Variants in ATXN8OS observed in about 807,000 individuals in gnomAD.
ATXN8OS encodes the protein ATXN8 opposite strand lncRNA.
chr13:70,108,056 G>A (rs879880884), intron 1 of ATXN8OS: 2 of 424,520 alleles, frequency 4.7e-6, no homozygotes, highest in African/African-American at 2.0e-5. Flanking sequence ...CGCGAGGGAG[G>A]GAGGTCTGAG....
At chr13:70,131,540 C>T (rs1888533438) in intron 3 of ATXN8OS, 1 of 398,126 alleles carries the variant, frequency 2.5e-6, no homozygotes, top group Admixed American at 4.4e-5. Context: ...TATTACTTTC[C>T]CCTCAATGCC....
intron 4 of ATXN8OS, among the ~76,000 whole-genome samples, chr13:70,158,829 C>A (rs1159418646): frequency 1.3e-5 from 2 of 152,090 alleles, no homozygotes; most frequent in Non-Finnish European, 2.9e-5. Context: ...TAAAACCAGC[C>A]TTTACTATGG....
intron 4 of ATXN8OS, among the ~76,000 whole-genome samples, chr13:70,151,291 C>T (rs959900086): frequency 1.3e-5 from 2 of 152,064 alleles, no homozygotes; most frequent in South Asian, 4.1e-4. Flanking sequence ...TTGCACAATT[C>T]TTCATTTCTT....
chr13:70,117,194 C>G (rs1888292076), intron 2 of ATXN8OS, among the ~76,000 whole-genome samples: 1 of 151,982 alleles, frequency 6.6e-6, no homozygotes, highest in Non-Finnish European at 1.5e-5. Flanking sequence ...TTTGGATGCT[C>G]TCATCTCTCC....
At chr13:70,114,499 C>T (rs1051056065) in intron 1 of ATXN8OS, among the ~76,000 whole-genome samples, 4 of 151,906 alleles carry the variant, frequency 2.6e-5, no homozygotes, top group African/African-American at 7.3e-5. Context: ...ATGTCTAGGA[C>T]AAAATTACAA....
At chr13:70,130,318 TTTAAAA>T (rs1365101672) in intron 3 of ATXN8OS, among the ~76,000 whole-genome samples, 2 of 152,190 alleles carry the variant, frequency 1.3e-5, no homozygotes, top group African/African-American at 4.8e-5. Context: ...CAACCATGAC[TTTAAAA>T]TTAAGGATTA....
chr13:70,117,757 C>T (rs1034553750), intron 2 of ATXN8OS, among the ~76,000 whole-genome samples: 1 of 151,904 alleles, frequency 6.6e-6, no homozygotes, highest in Non-Finnish European at 1.5e-5. Context: ...TAAAATAAAA[C>T]CTGTTAAACA....
chr13:70,107,796 G>T (rs1294538661), exon 1 of ATXN8OS: 9 of 910,678 alleles, frequency 9.9e-6, no homozygotes, highest in African/African-American at 1.7e-5. Flanking sequence ...GGAGGAAGAG[G>T]CGGGATGCGC....
chr13:70,131,765 C>T (rs1485287179), intron 3 of ATXN8OS, among the ~76,000 whole-genome samples: 2 of 152,104 alleles, frequency 1.3e-5, no homozygotes, highest in African/African-American at 4.8e-5. Flanking sequence ...CAACTGCATC[C>T]TTGTTTTTAT....
intron 2 of ATXN8OS, among the ~76,000 whole-genome samples, chr13:70,116,109 G>A (rs992739730): frequency 4.6e-5 from 7 of 151,222 alleles, no homozygotes; most frequent in African/African-American, 7.3e-5. Flanking sequence ...TTTTTATTGA[G>A]CACTTACTCT....
chr13:70,171,678 T>C (rs1339695683), exon 5 of ATXN8OS, among the ~76,000 whole-genome samples: 1 of 152,066 alleles, frequency 6.6e-6, no homozygotes, highest in Non-Finnish European at 1.5e-5. Flanking sequence ...ATAATATTAT[T>C]TATTAACTTT....
intron 3 of ATXN8OS, among the ~76,000 whole-genome samples, chr13:70,146,174 C>A (rs1457121825): frequency 6.6e-6 from 1 of 150,426 alleles, no homozygotes; most frequent in African/African-American, 2.5e-5. Flanking sequence ...TGCTCATCAT[C>A]ACTGGCCATC....
intron 3 of ATXN8OS, among the ~76,000 whole-genome samples, chr13:70,137,458 T>C (rs932801428): frequency 2.0e-5 from 3 of 152,220 alleles, no homozygotes; most frequent in Non-Finnish European, 4.4e-5. Context: ...TCCATTCATA[T>C]GGGTCCTTCT....
intron 3 of ATXN8OS, among the ~76,000 whole-genome samples, chr13:70,143,540 G>C (rs1888744162): frequency 6.6e-6 from 1 of 152,110 alleles, no homozygotes; most frequent in Admixed American, 6.6e-5. Context: ...TTTGAAATAA[G>C]TTCATGAATA....
intron 4 of ATXN8OS, among the ~76,000 whole-genome samples, chr13:70,155,879 A>G (rs555320315): frequency 1.3e-5 from 2 of 150,784 alleles, no homozygotes; most frequent in Non-Finnish European, 2.9e-5. Context: ...AGTATGTTTT[A>G]TTTCTTGCTA....
At chr13:70,160,387 C>T (rs1888993045) in intron 4 of ATXN8OS, among the ~76,000 whole-genome samples, 1 of 151,900 alleles carries the variant, frequency 6.6e-6, no homozygotes, top group East Asian at 1.9e-4. Context: ...CTCACAGCTC[C>T]AGAAGCTAAG....
intron 3 of ATXN8OS, among the ~76,000 whole-genome samples, chr13:70,141,179 C>T (rs1888709531): frequency 1.3e-5 from 2 of 152,130 alleles, no homozygotes; most frequent in Non-Finnish European, 2.9e-5. Flanking sequence ...GATCCTTCCT[C>T]AAGTTTCTTT....
intron 4 of ATXN8OS, among the ~76,000 whole-genome samples, chr13:70,150,741 T>C (rs1766020310): frequency 6.6e-6 from 1 of 152,142 alleles, no homozygotes. Context: ...CACACATTGA[T>C]GGAGTATATT....
intron 3 of ATXN8OS, chr13:70,129,964 T>C (rs1056690937): frequency 2.8e-5 from 11 of 397,566 alleles, no homozygotes; most frequent in East Asian, 1.8e-4. Flanking sequence ...AAAAAATATA[T>C]GGTGGATCAA....
Sources: allele counts gnomAD v4.1 joint callset (sites outside exome capture counted in the v4.1 genomes callset), GRCh38; gene constraint gnomAD v4.1.1; transcripts MANE v1.5; gene names NCBI Gene and HGNC (gene_info 2026-07-23, HGNC 2026-07-21).